The following CACHD1 variants were observed in gnomAD, a reference collection of about 807,000 sequenced individuals.
CACHD1 encodes VWFA and cache domain-containing protein 1.
A neutral mutation model predicts 138.7 loss-of-function variants in CACHD1; 71 were observed. The ratio of observed to expected loss-of-function variants is 0.51; its 90% CI spans 0.42 to 0.62. The LOEUF is 0.62. Ranked by LOEUF, CACHD1 falls within the 20% of genes least tolerant of loss-of-function variation. The pLI, the probability that CACHD1 is intolerant of heterozygous loss-of-function variation, is 0.00. For synonymous variants in CACHD1, 578 were observed against 591.5 expected, an observed-to-expected ratio of 0.98 and a Z score of 0.33; for missense variants, 1,389 against 1,625.3, an observed-to-expected ratio of 0.85 and a Z score of 2.50.
intron 1 of CACHD1, among the ~76,000 whole-genome samples, chr1:64,538,831 C>A (rs1479370172): frequency 6.6e-6 from 1 of 152,206 alleles, no homozygotes; most frequent in Non-Finnish European, 1.5e-5. Context: ...TAGCATATTT[C>A]GAAGTATTGA....
intron 12 of CACHD1, 111 bp downstream of exon 12, chr1:64,654,914 A>G (rs941873040): frequency 1.4e-6 from 1 of 725,652 alleles, no homozygotes; most frequent in Non-Finnish European, 2.4e-6. Context: ...TTTGTCTCGT[A>G]ATGTGACTAA....
At chr1:64,562,516 T>A (rs2100487929) in intron 2 of CACHD1, among the ~76,000 whole-genome samples, 1 of 151,032 alleles carries the variant, frequency 6.6e-6, no homozygotes, top group East Asian at 2.0e-4. Context: ...TTCAAGCAAT[T>A]TCCCTGCCTC....
intron 4 of CACHD1, among the ~76,000 whole-genome samples, chr1:64,614,230 G>C (rs1647631671): frequency 6.6e-6 from 1 of 152,092 alleles, no homozygotes; most frequent in South Asian, 2.1e-4. Flanking sequence ...ACACCAGCTG[G>C]GCATCTGCCT....
intron 8 of CACHD1, among the ~76,000 whole-genome samples, chr1:64,644,250 TG>T (rs1454928127): frequency 6.6e-6 from 1 of 151,994 alleles, no homozygotes; most frequent in East Asian, 1.9e-4. Flanking sequence ...GTAGGAAGGG[TG>T]GGAGAAAAGG....
chr1:64,591,873 C>A (rs1286479633), intron 3 of CACHD1, among the ~76,000 whole-genome samples: 1 of 152,192 alleles, frequency 6.6e-6, no homozygotes, highest in East Asian at 1.9e-4. Context: ...TGTACTCTCT[C>A]ATCTTTCTTA....
intron 1 of CACHD1, among the ~76,000 whole-genome samples, chr1:64,477,052 G>A (rs914100046): frequency 6.6e-6 from 1 of 152,196 alleles, no homozygotes; most frequent in Non-Finnish European, 1.5e-5. Context: ...GTTATTAACT[G>A]TGTAACTTCT....
chr1:64,678,027 G>T (rs1650051571), intron 22 of CACHD1, 132 bp from the exon 23 acceptor site: 1 of 865,714 alleles, frequency 1.2e-6, no homozygotes, highest in African/African-American at 1.8e-5. Flanking sequence ...ATAAGGAAAG[G>T]AAACTAAAGC....
At position 64,602,975 on chromosome 1, in the gene CACHD1, A is replaced by T. The variant is rs144100875; in HGVS notation, c.517+63A>T. On this transcript the variant is annotated intron_variant, in intron 4 of 26. Coordinates refer to ENST00000651257, the MANE Select transcript of CACHD1 (RefSeq NM_020925.4). ...TCTACTGCATTCAAGTTGAATAAAC[A>T]TATTGCTTCAATTTTTTTTTTTAAT... is the stretch of plus-strand genomic sequence containing the variant. 5 of 1,040,852 alleles carry T rather than the reference A, an allele frequency of 4.8e-6. No homozygotes were observed. In the East Asian group the frequency reaches 1.2e-4, roughly 25 times the overall value. 64.5% of individuals were successfully genotyped at this position (1,040,852 alleles called of 1,614,324 possible). A position where few individuals can be genotyped will look rare whatever the true frequency, so the allele number is the denominator to read the frequency against.
intron 1 of CACHD1, among the ~76,000 whole-genome samples, chr1:64,517,744 T>A (rs1646469038): frequency 6.6e-6 from 1 of 152,120 alleles, no homozygotes; most frequent in Non-Finnish European, 1.5e-5. Flanking sequence ...ATTATCACCA[T>A]GAGCTTCTCC....
chr1:64,554,726 C>T (rs969930037), intron 2 of CACHD1, among the ~76,000 whole-genome samples: 2 of 152,064 alleles, frequency 1.3e-5, no homozygotes, highest in East Asian at 1.9e-4. Context: ...TTTAAAAATG[C>T]TGTATATGTT....
intron 1 of CACHD1, among the ~76,000 whole-genome samples, chr1:64,499,865 T>G (rs1048633458): frequency 5.9e-5 from 9 of 152,224 alleles, no homozygotes; most frequent in Admixed American, 5.9e-4. Flanking sequence ...TACAATCTTG[T>G]GTGTTTTATG....
At chr1:64,500,735 AGAGAGAG>A (rs747026792) in intron 1 of CACHD1, among the ~76,000 whole-genome samples, 85 of 6,520 alleles carry the variant, frequency 0.013, 1 homozygote, top group African/African-American at 0.019. Flanking sequence ...AAAAAAAAAA[AGAGAGAG>A]AGAGAGAGAG....
intron 1 of CACHD1, among the ~76,000 whole-genome samples, chr1:64,515,309 T>C (rs1418408580): frequency 2.6e-5 from 4 of 152,192 alleles, no homozygotes; most frequent in African/African-American, 9.6e-5. Context: ...GCTATGGAAG[T>C]TATGTTCAGG....
intron 4 of CACHD1, among the ~76,000 whole-genome samples, chr1:64,604,887 G>A (rs1231230405): frequency 4.7e-5 from 7 of 150,420 alleles, no homozygotes; most frequent in Non-Finnish European, 7.4e-5. Flanking sequence ...TCCTAACCTT[G>A]TGGTCTACCC....
At chr1:64,575,666 A>T (rs1646961148) in intron 2 of CACHD1, among the ~76,000 whole-genome samples, 1 of 152,202 alleles carries the variant, frequency 6.6e-6, no homozygotes, top group South Asian at 2.1e-4. Flanking sequence ...CCCCTAGGAT[A>T]TATTTCCTGT....
Position 64,691,798 on chromosome 1 carries a change from A to G in CACHD1, c.*237A>G. ...AATGGAGGGGAAATAAGCCTGATGA[A>G]CAGACCTGCCATAACACTAATGGAA... On this transcript the variant is annotated 3_prime_UTR_variant, in exon 27 of 27. Coordinates refer to ENST00000651257, the MANE Select transcript of CACHD1 (RefSeq NM_020925.4). 3.7e-6 allele frequency: 2 copies of G among 537,114 alleles called. No homozygotes were observed. The highest frequency in any genetic ancestry group is 4.5e-5 in the South Asian group (2 of 44,830). 33.3% of individuals were successfully genotyped at this position (537,114 alleles called of 1,614,324 possible). A position where few individuals can be genotyped will look rare whatever the true frequency, so the allele number is the denominator to read the frequency against.
intron 1 of CACHD1, among the ~76,000 whole-genome samples, chr1:64,540,568 C>G (rs1053559189): frequency 2.0e-5 from 3 of 152,130 alleles, no homozygotes; most frequent in African/African-American, 7.2e-5. Flanking sequence ...ACTCAGTAAC[C>G]CTTCAGAACC....
chr1:64,575,152 A>G (rs1646957479), intron 2 of CACHD1, among the ~76,000 whole-genome samples: 1 of 152,182 alleles, frequency 6.6e-6, no homozygotes, highest in African/African-American at 2.4e-5. Flanking sequence ...TTGTATATTC[A>G]CTGTGTTTCA....
intron 8 of CACHD1, among the ~76,000 whole-genome samples, chr1:64,647,370 A>C (rs186216641): frequency 5.0e-4 from 76 of 152,342 alleles, no homozygotes; most frequent in African/African-American, 1.8e-3. Context: ...AGAAGTAAGG[A>C]ATGAAAGGAT....
Sources: gnomAD v4.1 joint callset for allele counts (sites outside exome capture counted in the v4.1 genomes callset) on GRCh38, gnomAD v4.1.1 for gene constraint, MANE v1.5 for transcripts, NCBI Gene and HGNC (gene_info 2026-07-23, HGNC 2026-07-21) for gene names.